NBEA: variants seen among roughly 807,000 people sequenced by gnomAD.
NBEA encodes neurobeachin, also known as lysosomal-trafficking regulator 2.
NBEA carries 44 observed loss-of-function variants against 343.4 expected under a neutral mutation model. The observed-to-expected ratio is 0.13, with a 90% CI of 0.10 to 0.16. The LOEUF is 0.16. Ranked by LOEUF, NBEA falls within the 10% of genes least tolerant of loss-of-function variation. The pLI is 1.00. For synonymous variants in NBEA, 1,175 were observed against 1,238.7 expected (o/e 0.95, Z 1.08); for missense variants, 2,555 against 3,631.3 (o/e 0.70, Z 7.62).
chr13:35,264,600 A>G (rs1161212831), intron 34 of NBEA, among the ~76,000 whole-genome samples: 1 of 45,530 alleles, frequency 2.2e-5, no homozygotes, highest in Admixed American at 2.4e-4. Flanking sequence ...AACATACATT[A>G]ATCAATAAAT....
Position 35,362,658 on chromosome 13 carries a change from T to A in NBEA, c.6179+10335T>A, listed in dbSNP as rs184346325. Among the ~76,000 whole-genome samples, 38 of 152,028 alleles carry A rather than the reference T, an allele frequency of 2.5e-4. No individual in the cohort carries two copies. The East Asian group carries it at 7.0e-3, about 28-fold the overall frequency. On this transcript the variant is annotated intron_variant, in intron 38 of 58. Transcript: ENST00000379939. ...GAAATAAATATATTTACATCATAGA[T>A]TATATTTTTAATGGCTATAAAGCCT...
chr13:35,397,717 TA>T (rs1566074018), intron 38 of NBEA, among the ~76,000 whole-genome samples: 1 of 152,196 alleles, frequency 6.6e-6, no homozygotes. Flanking sequence ...GAGTTTACAC[TA>T]TACAGAAGTC....
At chr13:35,050,893 A>T (rs1259240679) in intron 6 of NBEA, among the ~76,000 whole-genome samples, 3 of 152,006 alleles carry the variant, frequency 2.0e-5, no homozygotes, top group Admixed American at 6.6e-5. Flanking sequence ...ATGTTGCTGT[A>T]CTGTTAGTTT....
intron 38 of NBEA, among the ~76,000 whole-genome samples, chr13:35,406,765 G>A (rs1044027163): frequency 6.6e-6 from 1 of 152,018 alleles, no homozygotes; most frequent in African/African-American, 2.4e-5. Context: ...CTACTGCTCT[G>A]TCTGAACACT....
At chr13:35,369,204 T>C (rs1011678165) in intron 38 of NBEA, among the ~76,000 whole-genome samples, 1 of 151,038 alleles carries the variant, frequency 6.6e-6, no homozygotes, top group African/African-American at 2.4e-5. Flanking sequence ...GACACTGTTT[T>C]TGAAAATCAG....
At chr13:35,139,526 C>G (rs1388128154) in intron 17 of NBEA, among the ~76,000 whole-genome samples, 7 of 152,022 alleles carry the variant, frequency 4.6e-5, no homozygotes, top group Non-Finnish European at 7.4e-5. Context: ...GGGCAGAAAT[C>G]CTGTCAAACT....
chr13:35,570,536 G>C (rs1416606100), intron 45 of NBEA, among the ~76,000 whole-genome samples: 1 of 152,172 alleles, frequency 6.6e-6, no homozygotes, highest in Non-Finnish European at 1.5e-5. Context: ...GTGAACAGTT[G>C]AATCCATGAG....
intron 58 of NBEA, 67 bp from the exon 59 acceptor site, chr13:35,670,834 C>T (rs1331453323): frequency 2.8e-6 from 3 of 1,057,218 alleles, no homozygotes; most frequent in Non-Finnish European, 2.9e-6. Flanking sequence ...GAGATACTGT[C>T]TAGTGTAAAA....
At chr13:35,381,700 T>A (rs1008083153) in intron 38 of NBEA, among the ~76,000 whole-genome samples, 1 of 152,134 alleles carries the variant, frequency 6.6e-6, no homozygotes, top group Non-Finnish European at 1.5e-5. Flanking sequence ...CCTGGTTCTG[T>A]AAGCAACTCA....
At chr13:35,283,583 G>A (rs1440876011) in intron 34 of NBEA, among the ~76,000 whole-genome samples, 1 of 152,120 alleles carries the variant, frequency 6.6e-6, no homozygotes, top group Non-Finnish European at 1.5e-5. Flanking sequence ...TGATAAGCCA[G>A]ATGCATTTTA....
chr13:35,582,607 C>T (rs1268864298), intron 45 of NBEA, among the ~76,000 whole-genome samples: 1 of 152,106 alleles, frequency 6.6e-6, no homozygotes, highest in African/African-American at 2.4e-5. Flanking sequence ...AAAATATTAA[C>T]ACTTTTGTGC....
intron 38 of NBEA, among the ~76,000 whole-genome samples, chr13:35,422,681 G>A (rs143323995): frequency 0.013 from 2,049 of 152,224 alleles, 59 homozygotes; most frequent in African/African-American, 0.047. Flanking sequence ...GGGTGGCTGG[G>A]TCAAATGGTA....
intron 38 of NBEA, among the ~76,000 whole-genome samples, chr13:35,398,987 G>C (rs1293646745): frequency 6.6e-6 from 1 of 152,136 alleles, no homozygotes; most frequent in African/African-American, 2.4e-5. Context: ...CTTCATCAGT[G>C]ATCTTAGCTA....
At chr13:35,459,417 G>T (rs2046786244) in intron 40 of NBEA, among the ~76,000 whole-genome samples, 1 of 151,608 alleles carries the variant, frequency 6.6e-6, no homozygotes, top group Non-Finnish European at 1.5e-5. Flanking sequence ...GCATTCACTT[G>T]CTCATTTACT....
intron 55 of NBEA, among the ~76,000 whole-genome samples, chr13:35,658,551 C>G (rs2084925242): frequency 6.6e-6 from 1 of 152,112 alleles, no homozygotes; most frequent in Admixed American, 6.6e-5. Context: ...CTAGAGTTTA[C>G]AAGAATCTAC....
chr13:35,110,766 G>T (rs886828988), intron 12 of NBEA, 44 bp from the exon 13 acceptor site: 1 of 1,502,632 alleles, frequency 6.7e-7, no homozygotes, highest in Non-Finnish European at 9.1e-7. Flanking sequence ...AGCACTTGAG[G>T]CATTTTAAAT....
intron 48 of NBEA, among the ~76,000 whole-genome samples, chr13:35,608,142 T>C (rs1233465741): frequency 6.6e-6 from 1 of 152,182 alleles, no homozygotes; most frequent in East Asian, 1.9e-4. Context: ...TGATGTAATA[T>C]ACCTATGCTT....
chr13:35,014,764 CA>C (rs1451615225), intron 1 of NBEA, among the ~76,000 whole-genome samples: 2 of 151,954 alleles, frequency 1.3e-5, no homozygotes, highest in Admixed American at 6.6e-5. Context: ...AATGTGGGGA[CA>C]GGGGCGGGGC....
rs7991019 is a variant in NBEA, at chr13:35,651,792, T to C, written c.7964-13T>C. On this transcript the variant is annotated splice_polypyrimidine_tract_variant and intron_variant, in intron 52 of 58. Transcript: ENST00000379939. ...ATTTTATGTTAGTTTTTCTCTCTTT[T>C]TTTAATCTTTAGGCCTCAGAGGAGC... The C allele has an allele frequency of 0.39, 584,563 of 1,486,606 alleles. 121,130 individuals carry two copies. The highest frequency in any genetic ancestry group is 0.45 in the Middle Eastern group (2,616 of 5,876). The allele number at this position is 1,486,606 out of a possible 1,614,324, so 92.1% of individuals were successfully genotyped here. A position where few individuals can be genotyped will look rare whatever the true frequency, so the allele number is the denominator to read the frequency against.
Sources: allele counts gnomAD v4.1 joint callset (sites outside exome capture counted in the v4.1 genomes callset), GRCh38; gene constraint gnomAD v4.1.1; transcripts MANE v1.5; gene names NCBI Gene and HGNC (gene_info 2026-07-23, HGNC 2026-07-21).